The following LHPP variants were observed in gnomAD, a reference collection of about 807,000 sequenced individuals.
The protein encoded by LHPP is phospholysine phosphohistidine inorganic pyrophosphate phosphatase.
Under a neutral mutation model 30.3 loss-of-function variants are expected in LHPP, and 24 were observed. The observed-to-expected ratio is 0.79, with a 90% CI of 0.57 to 1.11. The LOEUF (loss-of-function observed/expected upper bound fraction) is 1.11. Among genes scored for constraint, LHPP ranks in the 50% most tolerant of loss-of-function variants. The pLI, the probability that LHPP is intolerant of heterozygous loss-of-function variation, is 0.00. For missense variants in LHPP, 356 were observed against 367.2 expected, an observed-to-expected ratio of 0.97 and a Z score of 0.25; for synonymous variants, 150 against 157.1, an observed-to-expected ratio of 0.95 and a Z score of 0.34.
intron 5 of LHPP, among the ~76,000 whole-genome samples, chr10:124,502,275 C>A (rs1032714130): frequency 6.6e-6 from 1 of 151,938 alleles, no homozygotes; most frequent in African/African-American, 2.4e-5. Context: ...CAGTCATGAC[C>A]CTAGTGTCCT....
intron 6 of LHPP, among the ~76,000 whole-genome samples, chr10:124,536,954 C>T (rs1955042419): frequency 6.6e-6 from 1 of 152,076 alleles, no homozygotes; most frequent in Non-Finnish European, 1.5e-5. Flanking sequence ...CCGACCTCTC[C>T]AGCAACAAAA....
chr10:124,611,623 C>T (rs906887135), intron 6 of LHPP, among the ~76,000 whole-genome samples: 11 of 151,946 alleles, frequency 7.2e-5, no homozygotes, highest in Non-Finnish European at 1.5e-4. Flanking sequence ...AGGGACTGCC[C>T]CTGTGGCCCC....
At chr10:124,488,827 A>T (rs1029250850) in intron 3 of LHPP, among the ~76,000 whole-genome samples, 1 of 152,128 alleles carries the variant, frequency 6.6e-6, no homozygotes, top group East Asian at 1.9e-4. Context: ...TCTAGACTAG[A>T]AGAGGGCGTC....
chr10:124,572,599 C>T lies in LHPP; in HGVS notation c.717-40665C>T, dbSNP rs187184466. ...TAAACCGAGATCACGCCATTGCACT[C>T]CAGCCTGGGCGACAGAGCGAGACTC... On this transcript the variant is annotated intron_variant, in intron 6 of 6. Transcript: ENST00000368842. Among the ~76,000 whole-genome samples, 125 of 149,762 alleles carry T rather than the reference C, an allele frequency of 8.3e-4. 1 individual carries two copies. The highest frequency in any genetic ancestry group is 1.0e-3 in the Admixed American group (15 of 14,920).
intron 1 of LHPP, among the ~76,000 whole-genome samples, chr10:124,463,239 G>A (rs905810257): frequency 4.0e-5 from 6 of 151,242 alleles, no homozygotes. Flanking sequence ...TTTAACTTTT[G>A]TTAATGTGCT....
intron 5 of LHPP, among the ~76,000 whole-genome samples, chr10:124,509,870 G>C (rs1041443493): frequency 6.6e-6 from 1 of 152,090 alleles, no homozygotes; most frequent in African/African-American, 2.4e-5. Context: ...AAATATTTGT[G>C]AACCACGGAA....
chr10:124,563,102 C>T (rs1308106556), intron 6 of LHPP, among the ~76,000 whole-genome samples: 1 of 152,122 alleles, frequency 6.6e-6, no homozygotes, highest in Non-Finnish European at 1.5e-5. Flanking sequence ...TGTCACATGA[C>T]TCAGCCATGG....
At chr10:124,505,919 T>C (rs936680550) in intron 5 of LHPP, among the ~76,000 whole-genome samples, 5 of 152,144 alleles carry the variant, frequency 3.3e-5, no homozygotes, top group Admixed American at 3.3e-4. Context: ...CACCTTGTCA[T>C]AGGCGCTTTG....
Position 124,484,249 on chromosome 10 carries a change from A to G in LHPP, c.236A>G (p.Glu79Gly), listed in dbSNP as rs775871679. Reference protein sequence around the residue: ...QRLGFDISEQEVTAPAPAACQ... With the variant: ...QRLGFDISEQGVTAPAPAACQ... Reference sequence around the variant, plus strand: ...CTGGGATTTGACATCTCTGAGCAGGAGGTGACCGCCCCGGCACCAGCTGCC... The same window carrying G: ...CTGGGATTTGACATCTCTGAGCAGGGGGTGACCGCCCCGGCACCAGCTGCC... The change falls in exon 2 of 7, where the codon GAG becomes GGG. Residue 79 changes from glutamate (E) to glycine (G), a missense_variant. Physicochemically the swap from Glu to Gly is moderately conservative, Grantham distance 98. Coordinates refer to ENST00000368842, the MANE Select transcript of LHPP (RefSeq NM_022126.4). The G allele has an allele frequency of 4.3e-6, 7 of 1,613,928 alleles. No individual in the cohort carries two copies. In the African/African-American group the frequency reaches 9.3e-5, roughly 22 times the overall value.
At position 124,592,851 on chromosome 10, in the gene LHPP, G is replaced by A. The variant is rs945109933; in HGVS notation, c.717-20413G>A. Among the ~76,000 whole-genome samples, 2 of 152,240 alleles carry A rather than the reference G, an allele frequency of 1.3e-5. No homozygotes were observed. The highest frequency in any genetic ancestry group is 1.9e-4 in the East Asian group (1 of 5,186). On this transcript the variant is annotated intron_variant, in intron 6 of 6. Transcript: ENST00000368842. The surrounding 1 kb of genome is among the most constrained non-coding windows in gnomAD (Gnocchi z 6.2). Reference sequence around the variant, plus strand: ...GGAATCGTCCAGGGCGCGGCAGCCCGCCAGGAGCCCGGGCAGCTTGGATGG... The same window carrying A: ...GGAATCGTCCAGGGCGCGGCAGCCCACCAGGAGCCCGGGCAGCTTGGATGG...
At chr10:124,482,024 G>A (rs1196678540) in intron 1 of LHPP, among the ~76,000 whole-genome samples, 1 of 152,206 alleles carries the variant, frequency 6.6e-6, no homozygotes, top group African/African-American at 2.4e-5. Context: ...TCAGGCTCAA[G>A]AGCGGAACAG....
At position 124,496,519 on chromosome 10, in the gene LHPP, C is replaced by G. The variant is rs1424402670; in HGVS notation, c.468-442C>G. On this transcript the variant is annotated intron_variant, in intron 3 of 6. Transcript: ENST00000368842. This position sits in a 1 kb window ranked among gnomAD's most constrained non-coding sequence, Gnocchi z 4.3. ...GGTGCTGTGGAACTAATGGAGTTCT[C>G]TTCTTCAGCCAGCAATTAGGGGTTA... Among the ~76,000 whole-genome samples, 1 of 152,214 alleles carries G rather than the reference C, an allele frequency of 6.6e-6. No homozygotes were observed. The highest frequency in any genetic ancestry group is 1.5e-5 in the Non-Finnish European group (1 of 68,026).
At position 124,478,252 on chromosome 10, in the gene LHPP, G is replaced by A. The variant is rs12412094; in HGVS notation, c.126-5887G>A. On this transcript the variant is annotated intron_variant, in intron 1 of 6. Coordinates refer to ENST00000368842, the MANE Select transcript of LHPP (RefSeq NM_022126.4). This position sits in a 1 kb window ranked among gnomAD's most constrained non-coding sequence, Gnocchi z 4.7. ...TGTGGGGCCTCCAGGAGGAAGAGGT[G>A]TATGAACCCTGCTTTGTAGGATGAT... Among the ~76,000 whole-genome samples the A allele has an allele frequency of 0.14, 20,935 of 152,230 alleles. 1,842 individuals carry two copies. Among genetic ancestry groups the A allele is most frequent in the Non-Finnish European group, 0.19 (12,702 of 67,964 alleles).
At chr10:124,535,349 G>A (rs922182269) in intron 6 of LHPP, among the ~76,000 whole-genome samples, 2 of 152,174 alleles carry the variant, frequency 1.3e-5, no homozygotes, top group Non-Finnish European at 2.9e-5. Context: ...CACATGTGGT[G>A]GTTACTGTCA....
chr10:124,554,215 T>A, intron 6 of LHPP: 1 of 310,284 alleles, frequency 3.2e-6, no homozygotes. Context: ...TGACAGGGTC[T>A]TGCTCTGTCA....
At chr10:124,589,919 G>A (rs1204646416) in intron 6 of LHPP, among the ~76,000 whole-genome samples, 4 of 152,168 alleles carry the variant, frequency 2.6e-5, no homozygotes, top group East Asian at 1.9e-4. Flanking sequence ...GCAGTTCTTC[G>A]GGCTGGCGGG....
At chr10:124,564,598 G>A (rs961668572) in intron 6 of LHPP, among the ~76,000 whole-genome samples, 3 of 152,142 alleles carry the variant, frequency 2.0e-5, no homozygotes, top group Non-Finnish European at 4.4e-5. Flanking sequence ...GTCTCCTGAC[G>A]TCCTTCCTAC....
intron 3 of LHPP, among the ~76,000 whole-genome samples, chr10:124,492,800 C>A (rs1953572217): frequency 6.6e-6 from 1 of 152,194 alleles, no homozygotes; most frequent in African/African-American, 2.4e-5. Flanking sequence ...CCCGGGCTGA[C>A]CCATTAGGCC....
chr10:124,569,800 G>C (rs1948555427), intron 6 of LHPP, among the ~76,000 whole-genome samples: 1 of 152,206 alleles, frequency 6.6e-6, no homozygotes, highest in South Asian at 2.1e-4. Context: ...AGGTGTCTCT[G>C]TTCTCTCTTC....
Sources: allele counts gnomAD v4.1 joint callset (sites outside exome capture counted in the v4.1 genomes callset), GRCh38; gene constraint gnomAD v4.1.1; non-coding constraint Gnocchi (gnomAD v3.1); transcripts MANE v1.5; gene names NCBI Gene and HGNC (gene_info 2026-07-23, HGNC 2026-07-21).